Variants in STPG1 observed in about 807,000 individuals in gnomAD.
STPG1 encodes the protein O(6)-methylguanine-induced apoptosis 2.
STPG1 carries 33 observed loss-of-function variants against 40.1 expected under a neutral mutation model. The ratio of observed to expected loss-of-function variants is 0.82; its 90% CI spans 0.62 to 1.10. The LOEUF is 1.10. Among genes scored for constraint, STPG1 ranks in the 50% least tolerant of loss-of-function variants. STPG1 has a pLI of 0.00. For missense variants in STPG1, 396 were observed against 415.1 expected (o/e 0.95, Z 0.40); for synonymous variants, 150 against 155.0 (o/e 0.97, Z 0.24).
In STPG1 at chr1:24,394,123, C is replaced by T. The variant is rs78550270; in HGVS notation, c.71-2444G>A. On this transcript the variant is annotated intron_variant, in intron 2 of 8. Transcript: ENST00000337248. ...AACTACCCAGGGCTGGAGAAGGAAC[C>T]GCCTGGCAGAATTCAAGTGAGCAAT... 1.3e-3 allele frequency among the ~76,000 whole-genome samples: 191 copies of T among 152,236 alleles called. 1 individual carries two copies. The East Asian group carries it at 0.035, about 28-fold the overall frequency.
At position 24,392,858 on chromosome 1, in the gene STPG1, GA is replaced by G. The variant is rs35727978; in HGVS notation, c.71-1180del. ...AGAGGAAATACGCGCAGAAATGGGGGAAAAAAAACAGTCAAGAGAAGGAAAG... is the reference window on the plus strand; with the variant it reads ...AGAGGAAATACGCGCAGAAATGGGGGAAAAAAACAGTCAAGAGAAGGAAAG... On this transcript the variant is annotated intron_variant, in intron 2 of 8. Coordinates refer to ENST00000337248, the MANE Select transcript of STPG1 (RefSeq NM_001199013.2). Among the ~76,000 whole-genome samples, 73 of 151,142 alleles carry G rather than the reference GA, an allele frequency of 4.8e-4. 1 individual carries two copies. Among genetic ancestry groups the G allele is most frequent in the African/African-American group, 5.1e-4 (21 of 41,106 alleles).
chr1:24,365,248 G>T (rs1354493412), intron 7 of STPG1, among the ~76,000 whole-genome samples: 2 of 152,104 alleles, frequency 1.3e-5, no homozygotes, highest in Admixed American at 6.5e-5. Context: ...ACAAGACAGC[G>T]TGTCTGTGCA....
intron 1 of STPG1, among the ~76,000 whole-genome samples, chr1:24,402,492 T>C (rs569103901): frequency 6.6e-6 from 1 of 152,326 alleles, no homozygotes; most frequent in Admixed American, 6.5e-5. Context: ...ACAGCCATTG[T>C]GGCTCACACC....
At chr1:24,384,167 G>A (rs1463341159) in intron 3 of STPG1, among the ~76,000 whole-genome samples, 164 bp from the exon 4 acceptor site, 4 of 152,194 alleles carry the variant, frequency 2.6e-5, no homozygotes, top group African/African-American at 9.7e-5. Flanking sequence ...TGACTTGCCC[G>A]ATCTTCGTCT....
rs974456302 is a variant in STPG1, at chr1:24,357,968, C to T, written c.*575G>A. On this transcript the variant is annotated 3_prime_UTR_variant, in exon 9 of 9. Transcript: ENST00000337248. ...AGGAGTAAAGAGAGGTCTTTCCAAA[C>T]AGGTGGTCACTTTAGAAAGGAAGCT... The T allele has an allele frequency of 2.9e-6, 1 of 344,796 alleles. No homozygotes were observed. The highest frequency in any genetic ancestry group is 2.1e-5 in the African/African-American group (1 of 46,608). The allele number at this position is 344,796 out of a possible 1,614,324, so 21.4% of individuals were successfully genotyped here. A position where few individuals can be genotyped will look rare whatever the true frequency, so the allele number is the denominator to read the frequency against.
At chr1:24,374,244 GTTTTTTTTTTTTGTTT>G (rs1417600847) in intron 5 of STPG1, among the ~76,000 whole-genome samples, 9 of 93,288 alleles carry the variant, frequency 9.6e-5, no homozygotes, top group African/African-American at 1.9e-4. Flanking sequence ...CTAGGAAAGT[GTTTTTTTTTTTTGTTT>G]TTTTTTTTTT....
chr1:24,396,974 A>C (rs1280911430), intron 2 of STPG1, among the ~76,000 whole-genome samples: 1 of 152,228 alleles, frequency 6.6e-6, no homozygotes, highest in Non-Finnish European at 1.5e-5. Flanking sequence ...AAATAAGTTA[A>C]AAGTAAAATA....
At chr1:24,361,124 AC>A in intron 7 of STPG1, 83 bp from the exon 8 acceptor site, 1 of 1,268,544 alleles carries the variant, frequency 7.9e-7, no homozygotes, top group Non-Finnish European at 1.1e-6. Flanking sequence ...CAAGACCTGC[AC>A]AGCAGCAAGC....
At chr1:24,376,456 G>A (rs1642031564) in intron 5 of STPG1, among the ~76,000 whole-genome samples, 1 of 152,154 alleles carries the variant, frequency 6.6e-6, no homozygotes, top group South Asian at 2.1e-4. Flanking sequence ...GTCATATTAA[G>A]ACAATAATGA....
At chr1:24,393,232 G>T (rs1376254722) in intron 2 of STPG1, among the ~76,000 whole-genome samples, 1 of 152,238 alleles carries the variant, frequency 6.6e-6, no homozygotes, top group Non-Finnish European at 1.5e-5. Flanking sequence ...TGGGGAGAGG[G>T]ACACTGAAGC....
intron 1 of STPG1, chr1:24,411,574 T>C (rs1185222870): frequency 1.3e-5 from 2 of 152,194 alleles, no homozygotes; most frequent in Non-Finnish European, 2.9e-5. Flanking sequence ...CCAGAGTAGC[T>C]AGGACTACAG....
In STPG1 at chr1:24,360,848, G is replaced by T; in HGVS notation, c.928+3C>A. 6.2e-7 allele frequency: 1 copy of T among 1,609,352 alleles called. No homozygotes were observed. Among genetic ancestry groups the T allele is most frequent in the South Asian group, 1.1e-5 (1 of 90,246 alleles). Reference sequence around the variant, plus strand: ...TTACAATCATTTAAAACAATCCTCTGACCTGGGCCAGGCAGGCCTGGCTGA... The same window carrying T: ...TTACAATCATTTAAAACAATCCTCTTACCTGGGCCAGGCAGGCCTGGCTGA... On this transcript the variant is annotated splice_donor_region_variant and intron_variant, in intron 8 of 8. Coordinates refer to ENST00000337248, the MANE Select transcript of STPG1 (RefSeq NM_001199013.2).
At chr1:24,389,260 A>T (rs557472501) in intron 3 of STPG1, among the ~76,000 whole-genome samples, 6 of 152,314 alleles carry the variant, frequency 3.9e-5, no homozygotes, top group African/African-American at 1.4e-4. Context: ...GTTCAGAACT[A>T]GATCACGGGG....
In STPG1 at chr1:24,358,461, G is replaced by A. The variant is rs752213248; in HGVS notation, c.*82C>T. Reference sequence around the variant, plus strand: ...GTTGTCAGCTGCCACACTCATGATCGGTCTCCTCCTGAGGAATGTCCTGGG... The same window carrying A: ...GTTGTCAGCTGCCACACTCATGATCAGTCTCCTCCTGAGGAATGTCCTGGG... On this transcript the variant is annotated 3_prime_UTR_variant, in exon 9 of 9. Transcript: ENST00000337248. The A allele has an allele frequency of 7.4e-5, 88 of 1,185,672 alleles. No homozygotes were observed. Among genetic ancestry groups the A allele is most frequent in the Non-Finnish European group, 9.5e-5 (75 of 789,344 alleles). 73.4% of individuals were successfully genotyped at this position (1,185,672 alleles called of 1,614,324 possible).
chr1:24,379,445 G>A lies in STPG1; in HGVS notation c.462+208C>T, dbSNP rs1051068664. 21 of 568,924 alleles carry A rather than the reference G, an allele frequency of 3.7e-5. No individual in the cohort carries two copies. In the Admixed American group the frequency reaches 4.6e-4, roughly 12 times the overall value. The allele number at this position is 568,924 out of a possible 1,614,324, so 35.2% of individuals were successfully genotyped here. On this transcript the variant is annotated intron_variant, in intron 5 of 8. Transcript: ENST00000337248. ...AGTGGCCTCCCCACAGCTTGATACT[G>A]GCCTCCATGTTGCCCATCCTGATCT...
At chr1:24,365,841 G>A (rs1641421828) in intron 7 of STPG1, among the ~76,000 whole-genome samples, 1 of 152,204 alleles carries the variant, frequency 6.6e-6, no homozygotes, top group Non-Finnish European at 1.5e-5. Context: ...CAGGGCTGGT[G>A]AGCAGGGAAA....
intron 7 of STPG1, among the ~76,000 whole-genome samples, chr1:24,363,116 G>A (rs1641229016): frequency 6.6e-6 from 1 of 152,158 alleles, no homozygotes; most frequent in Non-Finnish European, 1.5e-5. Context: ...GTCACTCCAA[G>A]CCCAAGATTC....
intron 3 of STPG1, among the ~76,000 whole-genome samples, chr1:24,390,272 A>G (rs1642703794): frequency 6.6e-6 from 1 of 152,246 alleles, no homozygotes; most frequent in African/African-American, 2.4e-5. Flanking sequence ...AGAGAGGAGA[A>G]AGTCAGGTCC....
At chr1:24,364,844 T>A (rs75699196) in intron 7 of STPG1, among the ~76,000 whole-genome samples, 1 of 152,338 alleles carries the variant, frequency 6.6e-6, no homozygotes, top group African/African-American at 2.4e-5. Context: ...GGCTCTGAGT[T>A]GGCCACAACT....
Sources: gnomAD v4.1 joint callset for allele counts (sites outside exome capture counted in the v4.1 genomes callset) on GRCh38, gnomAD v4.1.1 for gene constraint, MANE v1.5 for transcripts, NCBI Gene and HGNC (gene_info 2026-07-23, HGNC 2026-07-21) for gene names.